The following FSD1L variants were observed in gnomAD, a reference collection of about 807,000 sequenced individuals.
FSD1L encodes fibronectin type III and SPRY domain containing 1 like.
FSD1L carries 45 observed loss-of-function variants against 71.6 expected under a neutral mutation model. The ratio of observed to expected loss-of-function variants is 0.63; its 90% CI spans 0.49 to 0.81. FSD1L has a LOEUF of 0.81. Among genes scored for constraint, FSD1L ranks in the 30% least tolerant of loss-of-function variants. The pLI, the probability that FSD1L is intolerant of heterozygous loss-of-function variation, is 0.00. For synonymous variants in FSD1L, 197 were observed against 207.2 expected (o/e 0.95, Z 0.42); for missense variants, 561 against 618.1 (o/e 0.91, Z 0.98).
intron 7 of FSD1L, among the ~76,000 whole-genome samples, chr9:105,494,523 G>A (rs1833209204): frequency 6.6e-6 from 1 of 152,196 alleles, no homozygotes; most frequent in African/African-American, 2.4e-5. Context: ...TCTCCATTCA[G>A]CTTTGCTCCA....
intron 8 of FSD1L, among the ~76,000 whole-genome samples, chr9:105,508,174 C>CTTTTTTTT (rs11320443): frequency 1.0e-5 from 1 of 100,478 alleles, no homozygotes; most frequent in Non-Finnish European, 1.9e-5. Flanking sequence ...ACATATCACT[C>CTTTTTTTT]TTTTTTTTTT....
chr9:105,529,781 A>T (rs1835776330), intron 10 of FSD1L, among the ~76,000 whole-genome samples: 1 of 152,148 alleles, frequency 6.6e-6, no homozygotes, highest in South Asian at 2.1e-4. Flanking sequence ...TATTAAAAAA[A>T]AAAGAGAAAA....
intron 7 of FSD1L, among the ~76,000 whole-genome samples, chr9:105,503,756 T>G (rs1362041323): frequency 6.6e-6 from 1 of 152,232 alleles, no homozygotes; most frequent in African/African-American, 2.4e-5. Flanking sequence ...ATGAATTGTT[T>G]TCTTACTTCT....
At chr9:105,453,548 C>CT (rs1830185912) in intron 1 of FSD1L, among the ~76,000 whole-genome samples, 1 of 151,822 alleles carries the variant, frequency 6.6e-6, no homozygotes, top group South Asian at 2.1e-4. Flanking sequence ...TATCTTTCCC[C>CT]TTTTTTCAAC....
intron 10 of FSD1L, among the ~76,000 whole-genome samples, chr9:105,533,399 A>G (rs1836025383): frequency 1.5e-5 from 1 of 68,634 alleles, no homozygotes; most frequent in African/African-American, 4.9e-5. Context: ...AAGGATTTGG[A>G]TAATTGCCAT....
intron 7 of FSD1L, among the ~76,000 whole-genome samples, chr9:105,497,606 G>C (rs981376588): frequency 6.6e-6 from 1 of 152,158 alleles, no homozygotes; most frequent in Non-Finnish European, 1.5e-5. Flanking sequence ...GTCTGTCATA[G>C]AATTGGTCCT....
At chr9:105,444,611 C>T (rs1337224143), upstream of FSD1L, among the ~76,000 whole-genome samples, 1 of 152,178 alleles carries the variant, frequency 6.6e-6, no homozygotes, top group Non-Finnish European at 1.5e-5. Context: ...TTGCCAGACT[C>T]TCTACATCAG....
intron 7 of FSD1L, among the ~76,000 whole-genome samples, chr9:105,489,846 A>T (rs1176539260): frequency 6.6e-6 from 1 of 152,202 alleles, no homozygotes; most frequent in Admixed American, 6.5e-5. Context: ...CATCATTTTT[A>T]TGGCTGCGTA....
At chr9:105,498,741 A>G (rs2131327662) in intron 7 of FSD1L, among the ~76,000 whole-genome samples, 1 of 152,286 alleles carries the variant, frequency 6.6e-6, no homozygotes, top group South Asian at 2.1e-4. Flanking sequence ...AAATATTTTA[A>G]AATTTCTCTT....
chr9:105,524,626 C>G, intron 10 of FSD1L: 1 of 1,613,924 alleles, frequency 6.2e-7, no homozygotes, highest in Non-Finnish European at 8.5e-7. Context: ...GATTTGGCAT[C>G]TGTAGATTAT....
chr9:105,504,868 T>C (rs1833959978), intron 7 of FSD1L, among the ~76,000 whole-genome samples: 2 of 152,226 alleles, frequency 1.3e-5, no homozygotes, highest in African/African-American at 2.4e-5. Flanking sequence ...GGGCCAACTT[T>C]GCTTTGTTTT....
chr9:105,467,311 G>C (rs1203095531), intron 3 of FSD1L, among the ~76,000 whole-genome samples: 1 of 152,142 alleles, frequency 6.6e-6, no homozygotes, highest in Non-Finnish European at 1.5e-5. Flanking sequence ...CTCTTAGTCA[G>C]TGCCAGTTCG....
chr9:105,523,138 T>G (rs144307638), intron 10 of FSD1L: 20,824 of 1,613,836 alleles, frequency 0.013, 171 homozygotes, highest in Middle Eastern at 0.025. Flanking sequence ...CTAACTACTC[T>G]TCATATAGAT....
At position 105,485,136 on chromosome 9, in the gene FSD1L, A is replaced by G. The variant is rs535172395; in HGVS notation, c.586+634A>G. 3.3e-5 allele frequency among the ~76,000 whole-genome samples: 5 copies of G among 152,306 alleles called. No homozygotes were observed. The South Asian group carries it at 1.0e-3, about 32-fold the overall frequency. On this transcript the variant is annotated intron_variant, in intron 7 of 13. Transcript: ENST00000481272. ...ACATATGTAAAAGAGCCAATTAAGA[A>G]CCAATCTTAGTCTGTTTTGTGTTGC...
intron 10 of FSD1L, chr9:105,523,603 C>T: frequency 6.2e-7 from 1 of 1,610,740 alleles, no homozygotes; most frequent in South Asian, 1.1e-5. Context: ...TCCCCTTCTC[C>T]ACCAGTTTTA....
intron 7 of FSD1L, among the ~76,000 whole-genome samples, chr9:105,485,324 A>C (rs1478022470): frequency 6.6e-6 from 1 of 152,148 alleles, no homozygotes; most frequent in African/African-American, 2.4e-5. Context: ...CATGCAAAAA[A>C]GGCAAAACAA....
At position 105,494,415 on chromosome 9, in the gene FSD1L, A is replaced by G. The variant is rs527823615; in HGVS notation, c.586+9913A>G. On this transcript the variant is annotated intron_variant, in intron 7 of 13. Transcript: ENST00000481272. ...TTATACATTCGTCTAAATTTTTTTC[A>G]AAGTTTTCAACTTCTTTGCCTTTGG... Among the ~76,000 whole-genome samples the G allele has an allele frequency of 1.7e-4, 26 of 152,174 alleles. 1 individual carries two copies. Among genetic ancestry groups the G allele is most frequent in the African/African-American group, 6.3e-4 (26 of 41,518 alleles).
At chr9:105,446,129 A>T (rs573383432), upstream of FSD1L, among the ~76,000 whole-genome samples, 35 of 151,986 alleles carry the variant, frequency 2.3e-4, no homozygotes, top group East Asian at 6.2e-3. Context: ...CAGTACAGTC[A>T]GGGGGATCCA....
At position 105,535,327 on chromosome 9, in the gene FSD1L, A is replaced by T. The variant is rs1346096285; in HGVS notation, c.1378+9A>T. The T allele has an allele frequency of 1.3e-6, 2 of 1,550,804 alleles. No homozygotes were observed. Among genetic ancestry groups the T allele is most frequent in the South Asian group, 2.4e-5 (2 of 83,930 alleles). ...TTGTGATTTTGATGGGGGTAAGTTTATTTTCTCGTAGGTTATTTCATCATA... is the reference window on the plus strand; with the variant it reads ...TTGTGATTTTGATGGGGGTAAGTTTTTTTTCTCGTAGGTTATTTCATCATA... On this transcript the variant is annotated intron_variant, in intron 12 of 13. Coordinates refer to ENST00000481272, the MANE Select transcript of FSD1L (RefSeq NM_001145313.3).
Sources: allele counts gnomAD v4.1 joint callset (sites outside exome capture counted in the v4.1 genomes callset), GRCh38; gene constraint gnomAD v4.1.1; transcripts MANE v1.5; gene names NCBI Gene and HGNC (gene_info 2026-07-23, HGNC 2026-07-21).